The following ZNF211 variants were observed in gnomAD, a reference collection of about 807,000 sequenced individuals.
The protein encoded by ZNF211 is zinc finger protein 211, also known as zinc finger protein C2H2-25.
A neutral mutation model predicts 12.1 loss-of-function variants in ZNF211; 18 were observed. The ratio of observed to expected loss-of-function variants is 1.48; its 90% CI spans 1.03 to 2.20. ZNF211 has a LOEUF of 2.20. Among genes scored for constraint, ZNF211 ranks in the 30% most tolerant of loss-of-function variants. The probability of loss-of-function intolerance (pLI) is 0.00; values close to 1 mark genes in which losing one functional copy is unlikely to be tolerated. For synonymous variants in ZNF211, 249 were observed against 246.0 expected (o/e 1.01, Z -0.11); for missense variants, 677 against 703.1 (o/e 0.96, Z 0.42).
rs1021867587 is a variant in ZNF211 at position 57,636,890 on chromosome 19, A to C, written c.256+2135A>C. Reference sequence around the variant, plus strand: ...TGTTTTATTTAATTCATTTTAGCAAAATTTTGTAGTTTCTAGTGTACAAGG... The same window carrying C: ...TGTTTTATTTAATTCATTTTAGCAACATTTTGTAGTTTCTAGTGTACAAGG... On this transcript the variant is annotated intron_variant, in intron 3 of 3. Transcript: ENST00000240731. Among the ~76,000 whole-genome samples the C allele has an allele frequency of 5.3e-5, 8 of 152,142 alleles. No individual in the cohort carries two copies. In the East Asian group the frequency reaches 9.7e-4, roughly 18 times the overall value.
rs1236758266 is a variant in ZNF211, at chr19:57,633,368, C to G, written c.22C>G (p.Arg8Gly). The G allele has an allele frequency of 8.8e-6, 14 of 1,598,966 alleles. No homozygotes were observed. Among genetic ancestry groups the G allele is most frequent in the South Asian group, 1.1e-5 (1 of 89,136 alleles). Residue 8 changes from arginine (R) to glycine (G), a missense_variant, in exon 1 of 4, where the codon CGC becomes GGC. Transcript: ENST00000240731. MLGFPPG[R>G]PQLPVQLRPQ... ...AGCGATGCTCGGGTTCCCCCCGGGT[C>G]GCCCGCAGCTCCCGGTCCAGCTCCG...
intron 1 of ZNF211, 28 bp downstream of exon 1, chr19:57,633,464 C>T: frequency 1.3e-6 from 2 of 1,571,188 alleles, no homozygotes; most frequent in Middle Eastern, 1.7e-4. Context: ...CGGGCCTCCC[C>T]CGGCCGAGAT....
At position 57,638,997 on chromosome 19, in the gene ZNF211, T is replaced by G. The variant is rs975684417; in HGVS notation, c.257-1707T>G. ...TACCCTTTTTGATTTAAAATCTCTATTGTATGATATTAATGTAGCCATTCT... is the reference window on the plus strand; with the variant it reads ...TACCCTTTTTGATTTAAAATCTCTAGTGTATGATATTAATGTAGCCATTCT... On this transcript the variant is annotated intron_variant, in intron 3 of 3. Coordinates refer to ENST00000240731, the MANE Select transcript of ZNF211 (RefSeq NM_006385.5). Among the ~76,000 whole-genome samples the G allele has an allele frequency of 1.2e-4, 18 of 152,166 alleles. 1 individual carries two copies. Among genetic ancestry groups the G allele is most frequent in the Non-Finnish European group, 2.9e-5 (2 of 68,044 alleles).
rs760245445 is a variant in ZNF211 at position 57,642,327 on chromosome 19, C to CT, written c.*149dup. The CT allele has an allele frequency of 3.4e-6, 3 of 873,682 alleles. No homozygotes were observed. The highest frequency in any genetic ancestry group is 5.2e-6 in the Non-Finnish European group (3 of 582,030). 54.1% of individuals were successfully genotyped at this position (873,682 alleles called of 1,614,324 possible). A position where few individuals can be genotyped will look rare whatever the true frequency, so the allele number is the denominator to read the frequency against. ...CCTTAAGTTCCAGGTATGTGTTACA[C>CT]TTTCTAACATGCCATTTAGAAAGTG... On this transcript the variant is annotated 3_prime_UTR_variant, in exon 4 of 4. Transcript: ENST00000240731.
At chr19:57,636,689 C>T (rs1982185961) in intron 3 of ZNF211, among the ~76,000 whole-genome samples, 2 of 152,162 alleles carry the variant, frequency 1.3e-5, no homozygotes, top group African/African-American at 4.8e-5. Context: ...TTTAGCTATT[C>T]TGTGTCTCTC....
chr19:57,633,852 T>G (rs1173697491), intron 1 of ZNF211, 171 bp from the exon 2 acceptor site: 1 of 1,601,014 alleles, frequency 6.2e-7, no homozygotes, highest in African/African-American at 1.3e-5. Context: ...GGTTGAATAT[T>G]TTTCCAAGGC....
rs1412871245 is a variant in ZNF211, at chr19:57,640,829, T to C, written c.382T>C (p.Cys128Arg). ...SSQNADSCEICCLVLRDILHL... is the reference protein window; with the variant it reads ...SSQNADSCEIRCLVLRDILHL... ...CCAGAATGCCGACTCCTGTGAAATATGTTGCCTGGTCTTGAGAGATATTTT... is the reference window on the plus strand; with the variant it reads ...CCAGAATGCCGACTCCTGTGAAATACGTTGCCTGGTCTTGAGAGATATTTT... The change falls in exon 4 of 4, where the codon TGT (cysteine) becomes CGT (arginine). Residue 128 changes from cysteine (C) to arginine (R), a missense_variant. Physicochemically the swap from Cys to Arg is radical, Grantham distance 180. Transcript: ENST00000240731. 3.1e-6 allele frequency: 5 copies of C among 1,614,248 alleles called. No individual in the cohort carries two copies. The highest frequency in any genetic ancestry group is 1.1e-5 in the South Asian group (1 of 91,092).
chr19:57,633,622 C>T, intron 1 of ZNF211, 186 bp downstream of exon 1: 3 of 1,531,932 alleles, frequency 2.0e-6, no homozygotes, highest in East Asian at 2.4e-5. Context: ...AGGGCTTGGA[C>T]GGGCAACCGA....
At chr19:57,640,499 T>C (rs1982747253) in intron 3 of ZNF211, among the ~76,000 whole-genome samples, 1 of 152,186 alleles carries the variant, frequency 6.6e-6, no homozygotes, top group Non-Finnish European at 1.5e-5. Context: ...CCTTGTGCAC[T>C]GTACCTGGGA....
At position 57,642,352 on chromosome 19, in the gene ZNF211, G is replaced by C; in HGVS notation, c.*171G>C. ...CTTTCTAACATGCCATTTAGAAAGT[G>C]TTAGACTTTCTCACCTGCCATTTAT... On this transcript the variant is annotated 3_prime_UTR_variant, in exon 4 of 4. Coordinates refer to ENST00000240731, the MANE Select transcript of ZNF211 (RefSeq NM_006385.5). 1 of 740,634 alleles carries C rather than the reference G, an allele frequency of 1.4e-6. No homozygotes were observed. Among genetic ancestry groups the C allele is most frequent in the Non-Finnish European group, 2.1e-6 (1 of 476,248 alleles). The allele number at this position is 740,634 out of a possible 1,614,324, so 45.9% of individuals were successfully genotyped here.
At chr19:57,640,011 G>A (rs1390913230) in intron 3 of ZNF211, 6 of 1,535,994 alleles carry the variant, frequency 3.9e-6, no homozygotes, top group Non-Finnish European at 5.2e-6. Flanking sequence ...TCAGCAAGAT[G>A]GGATCAGAGA....
intron 3 of ZNF211, 149 bp downstream of exon 3, chr19:57,634,904 ACTT>A: frequency 7.9e-7 from 1 of 1,269,470 alleles, no homozygotes; most frequent in South Asian, 3.3e-5. Context: ...GTGCAAGCCT[ACTT>A]CCCTTATCGT....
Position 57,642,769 on chromosome 19 carries a change from C to A in ZNF211, c.*588C>A, listed in dbSNP as rs1983141547. On this transcript the variant is annotated 3_prime_UTR_variant, in exon 4 of 4. Transcript: ENST00000240731. ...AATAAAAGCATTATTATTTAAGCTACCTTTATCTTGGCATTTGATTCACTC... is the reference window on the plus strand; with the variant it reads ...AATAAAAGCATTATTATTTAAGCTAACTTTATCTTGGCATTTGATTCACTC... The A allele has an allele frequency of 6.5e-6, 1 of 152,680 alleles. No homozygotes were observed. The highest frequency in any genetic ancestry group is 2.4e-5 in the African/African-American group (1 of 41,408). 9.5% of individuals were successfully genotyped at this position (152,680 alleles called of 1,614,324 possible).
intron 3 of ZNF211, among the ~76,000 whole-genome samples, chr19:57,637,294 G>GTT (rs58997649): frequency 7.0e-4 from 102 of 146,048 alleles, no homozygotes; most frequent in East Asian, 2.4e-3. Flanking sequence ...TTAGCTGTAG[G>GTT]TTTTTTTTTT....
rs762825836 is a variant in ZNF211, at chr19:57,633,357, T to TC, written c.17dup (p.Arg8SerfsTer42). On this transcript the variant is annotated frameshift_variant, in exon 1 of 4. Transcript: ENST00000240731. LOFTEE classifies it high-confidence loss of function. ...GGCCTGGGGATAGCGATGCTCGGGT[T>TC]CCCCCCGGGTCGCCCGCAGCTCCCG... The TC allele has an allele frequency of 1.9e-6, 3 of 1,593,236 alleles. No homozygotes were observed. Among genetic ancestry groups the TC allele is most frequent in the East Asian group, 2.3e-5 (1 of 44,192 alleles).
Position 57,641,405 on chromosome 19 carries a change from C to A in ZNF211, c.958C>A (p.His320Asn), listed in dbSNP as rs1982918117. The A allele has an allele frequency of 6.2e-7, 1 of 1,611,332 alleles. No individual in the cohort carries two copies. The highest frequency in any genetic ancestry group is 8.5e-7 in the Non-Finnish European group (1 of 1,178,100). ...CAGTTTCATTATACATCAGAGAGTT[C>A]ATACTGGAGAAAGGCCTTATGCGTG... ...YSSFIIHQRV[H>N]TGERPYACPE... The change falls in exon 4 of 4, where the codon CAT becomes AAT. Residue 320 changes from histidine to asparagine, a missense_variant. Coordinates refer to ENST00000240731, the MANE Select transcript of ZNF211 (RefSeq NM_006385.5).
intron 1 of ZNF211, 115 bp downstream of exon 1, chr19:57,633,551 G>A: frequency 1.3e-6 from 2 of 1,496,452 alleles, no homozygotes; most frequent in South Asian, 1.3e-5. Context: ...CGTGGGTGGG[G>A]CCCCTATTTC....
chr19:57,633,276 C>T lies in ZNF211; in HGVS notation c.-71C>T, dbSNP rs1981651921. On this transcript the variant is annotated 5_prime_UTR_variant, in exon 1 of 4. Transcript: ENST00000240731. ...GCTGCATCGGGATCGAAGTGACGGACCGTGAAGGCGCGAGAGTCAGGTCTG... is the reference window on the plus strand; with the variant it reads ...GCTGCATCGGGATCGAAGTGACGGATCGTGAAGGCGCGAGAGTCAGGTCTG... 7.2e-7 allele frequency: 1 copy of T among 1,382,096 alleles called. No individual in the cohort carries two copies. Among genetic ancestry groups the T allele is most frequent in the Non-Finnish European group, 9.6e-7 (1 of 1,038,684 alleles). 85.6% of individuals were successfully genotyped at this position (1,382,096 alleles called of 1,614,324 possible). A position where few individuals can be genotyped will look rare whatever the true frequency, so the allele number is the denominator to read the frequency against.
chr19:57,639,855 T>C (rs1411573279), intron 3 of ZNF211: 1 of 1,444,258 alleles, frequency 6.9e-7, no homozygotes, highest in Admixed American at 2.7e-5. Context: ...TGTTCTTTTT[T>C]GTGCCGTGTT....
Sources: allele counts gnomAD v4.1 joint callset (sites outside exome capture counted in the v4.1 genomes callset), GRCh38; gene constraint gnomAD v4.1.1; transcripts MANE v1.5; gene names NCBI Gene and HGNC (gene_info 2026-07-23, HGNC 2026-07-21).